Variants in TOGARAM2 observed in about 807,000 individuals in gnomAD.
TOGARAM2 encodes TOG array regulator of axonemal microtubules 2.
Under a neutral mutation model 93.3 loss-of-function variants are expected in TOGARAM2, and 85 were observed. The observed-to-expected ratio is 0.91, with a 90% CI of 0.76 to 1.09. The LOEUF is 1.09. Among genes scored for constraint, TOGARAM2 ranks in the 50% least tolerant of loss-of-function variants. The pLI is 0.00. For missense variants in TOGARAM2, 1,277 were observed against 1,334.5 expected, an observed-to-expected ratio of 0.96 and a Z score of 0.67; for synonymous variants, 593 against 552.8, an observed-to-expected ratio of 1.07 and a Z score of -1.02.
In TOGARAM2 at chr2:29,005,017, TGA is replaced by T. The variant is rs1491035959; in HGVS notation, c.830+1337_830+1338del. 3.4e-4 allele frequency among the ~76,000 whole-genome samples: 12 copies of T among 35,310 alleles called. 4 individuals carry two copies. The highest frequency in any genetic ancestry group is 9.9e-4 in the Non-Finnish European group (11 of 11,094). The allele number at this position is 35,310 out of a possible 152,430, so 23.2% of individuals were successfully genotyped here. On this transcript the variant is annotated intron_variant, in intron 6 of 19. Transcript: ENST00000379558. ...GTGCATGTGTGTGCATGTGTATGTGTGAGTGCATGTATGTGAGTGCATGTGTG... is the reference window on the plus strand; with the variant it reads ...GTGCATGTGTGTGCATGTGTATGTGTGTGCATGTATGTGAGTGCATGTGTG...
intron 14 of TOGARAM2, among the ~76,000 whole-genome samples, chr2:29,029,629 G>C (rs1665632326): frequency 6.7e-6 from 1 of 149,524 alleles, no homozygotes; most frequent in East Asian, 1.9e-4. Context: ...GGTGGCGGGT[G>C]CCTGTAGTCC....
Position 29,039,912 on chromosome 2 carries a change from C to T in TOGARAM2, c.2635+3155C>T, listed in dbSNP as rs139683368. On this transcript the variant is annotated intron_variant, in intron 18 of 19. Transcript: ENST00000379558. ...GACAGCTCATCCCCTCCCGATCAGA[C>T]CTCAGCATTCAAGCTTCTCTGTGCC... Among the ~76,000 whole-genome samples, 774 of 152,318 alleles carry T rather than the reference C, an allele frequency of 5.1e-3. 7 individuals are homozygous for T. Among genetic ancestry groups the T allele is most frequent in the African/African-American group, 0.018 (739 of 41,570 alleles).
chr2:29,051,659 G>C (rs1667074565), intron 19 of TOGARAM2, 97 bp from the exon 20 acceptor site: 3 of 1,006,474 alleles, frequency 3.0e-6, no homozygotes, highest in Non-Finnish European at 2.8e-6. Flanking sequence ...CTGCTGGGCT[G>C]CCAGCCCTTT....
intron 6 of TOGARAM2, among the ~76,000 whole-genome samples, chr2:29,004,899 AGTGCATGTGT>A (rs1673549666): frequency 7.5e-6 from 1 of 132,616 alleles, no homozygotes; most frequent in South Asian, 2.5e-4. Context: ...TACATGTGTG[AGTGCATGTGT>A]GTGCATGTGT....
chr2:29,042,395 C>G (rs1666488659), intron 18 of TOGARAM2, among the ~76,000 whole-genome samples: 1 of 152,256 alleles, frequency 6.6e-6, no homozygotes, highest in East Asian at 1.9e-4. Flanking sequence ...CCCAAATTCA[C>G]TTCTTTCTGG....
chr2:29,000,855 G>C (rs1281956693), intron 4 of TOGARAM2, among the ~76,000 whole-genome samples: 1 of 152,184 alleles, frequency 6.6e-6, no homozygotes, highest in Non-Finnish European at 1.5e-5. Flanking sequence ...TGCCCGAGAA[G>C]CTTCCTTAGA....
intron 6 of TOGARAM2, among the ~76,000 whole-genome samples, chr2:29,004,944 ATGTG>A (rs1314988437): frequency 1.7e-5 from 2 of 117,592 alleles, no homozygotes; most frequent in African/African-American, 3.4e-5. Context: ...ATGTGTGTGC[ATGTG>A]TGTGCATGTG....
intron 1 of TOGARAM2, among the ~76,000 whole-genome samples, chr2:28,989,428 G>A (rs924959248): frequency 6.8e-6 from 1 of 147,650 alleles, no homozygotes; most frequent in African/African-American, 2.5e-5. Context: ...TTGAGACAGG[G>A]TCTTTGTCGC....
At chr2:29,010,889 C>G (rs1393136667) in intron 6 of TOGARAM2, among the ~76,000 whole-genome samples, 1 of 152,162 alleles carries the variant, frequency 6.6e-6, no homozygotes, top group Non-Finnish European at 1.5e-5. Flanking sequence ...CTGTCTTCCC[C>G]CTCCTGTGGG....
intron 6 of TOGARAM2, among the ~76,000 whole-genome samples, chr2:29,005,204 T>G (rs1215166524): frequency 1.6e-5 from 1 of 61,306 alleles, no homozygotes; most frequent in Non-Finnish European, 5.5e-5. Flanking sequence ...TGTGTGCATG[T>G]GTGTGGGTAT....
intron 6 of TOGARAM2, among the ~76,000 whole-genome samples, chr2:29,004,623 G>A (rs61399799): frequency 6.6e-6 from 1 of 151,680 alleles, no homozygotes; most frequent in Non-Finnish European, 1.5e-5. Flanking sequence ...AGTGCCTGCA[G>A]GTATGTGTGA....
intron 1 of TOGARAM2, among the ~76,000 whole-genome samples, chr2:28,957,421 T>C (rs1182314971): frequency 6.6e-6 from 1 of 152,178 alleles, no homozygotes; most frequent in African/African-American, 2.4e-5. Flanking sequence ...CCTCAGGTGA[T>C]CCGCCTGCCT....
intron 7 of TOGARAM2, among the ~76,000 whole-genome samples, chr2:29,012,087 T>C (rs1172584210): frequency 6.6e-6 from 1 of 151,934 alleles, no homozygotes; most frequent in Admixed American, 6.6e-5. Context: ...CAGGGCAGGG[T>C]AGGAGGCCTT....
chr2:29,005,482 T>C (rs1208335893), intron 6 of TOGARAM2, among the ~76,000 whole-genome samples: 1 of 113,608 alleles, frequency 8.8e-6, no homozygotes, highest in African/African-American at 3.0e-5. Context: ...TGTGTGCATG[T>C]GTGCATGTGT....
At chr2:28,990,912 A>G (rs1572643446) in intron 1 of TOGARAM2, among the ~76,000 whole-genome samples, 1 of 151,308 alleles carries the variant, frequency 6.6e-6, no homozygotes, top group African/African-American at 2.4e-5. Flanking sequence ...GGTCTGTCTT[A>G]TAGGAATGGA....
chr2:29,006,338 GTA>G (rs1302648781), intron 6 of TOGARAM2, among the ~76,000 whole-genome samples: 7 of 142,958 alleles, frequency 4.9e-5, no homozygotes, highest in South Asian at 4.4e-4. Context: ...GCATGTGTGT[GTA>G]TGTGTGTATG....
At chr2:28,987,441 C>A (rs895610453) in intron 1 of TOGARAM2, among the ~76,000 whole-genome samples, 3 of 152,118 alleles carry the variant, frequency 2.0e-5, no homozygotes, top group Non-Finnish European at 4.4e-5. Context: ...AGGCATCCAC[C>A]ACCACGCCCA....
At chr2:29,006,061 A>AGGG (rs1663774978) in intron 6 of TOGARAM2, among the ~76,000 whole-genome samples, 11 of 135,096 alleles carry the variant, frequency 8.1e-5, no homozygotes, top group East Asian at 4.4e-4. Flanking sequence ...GTGTGTGTGT[A>AGGG]TGTGTATGTG....
intron 1 of TOGARAM2, among the ~76,000 whole-genome samples, chr2:28,984,293 C>T (rs939551470): frequency 3.3e-5 from 5 of 152,194 alleles, no homozygotes; most frequent in Middle Eastern, 3.4e-3. Context: ...CAGGCAAAAC[C>T]TGGTGTATGT....
Sources: allele counts gnomAD v4.1 joint callset (sites outside exome capture counted in the v4.1 genomes callset), GRCh38; gene constraint gnomAD v4.1.1; transcripts MANE v1.5; gene names NCBI Gene and HGNC (gene_info 2026-07-23, HGNC 2026-07-21).